The following DYRK1A variants were observed in gnomAD, a reference collection of about 807,000 sequenced individuals.
DYRK1A encodes the protein dual specificity tyrosine phosphorylation regulated kinase 1A, also known as dual specificity tyrosine-phosphorylation-regulated kinase 1A.
In DYRK1A, 9 loss-of-function variants were observed where a neutral mutation model predicts 79.7. The observed-to-expected ratio is 0.11, with a 90% confidence interval of 0.07 to 0.20. The LOEUF (loss-of-function observed/expected upper bound fraction) is 0.20. Among genes scored for constraint, DYRK1A ranks in the 10% least tolerant of loss-of-function variants. DYRK1A has a pLI of 1.00. For synonymous variants in DYRK1A, 349 were observed against 329.7 expected (o/e 1.06, Z -0.63); for missense variants, 622 against 956.0 (o/e 0.65, Z 4.61).
chr21:37,495,427 G>T (rs992118756), intron 8 of DYRK1A, among the ~76,000 whole-genome samples: 5 of 152,182 alleles, frequency 3.3e-5, no homozygotes, highest in African/African-American at 1.2e-4. Flanking sequence ...GGAGGCCAAG[G>T]TGGACAGATC....
intron 2 of DYRK1A, among the ~76,000 whole-genome samples, chr21:37,432,085 CT>C (rs933891130): frequency 1.3e-5 from 2 of 152,040 alleles, no homozygotes; most frequent in African/African-American, 2.4e-5. Flanking sequence ...CTTAAGTCAA[CT>C]TTTATGTTTT....
Position 37,468,517 on chromosome 21 carries a change from GTC to G in DYRK1A, c.11-4165_11-4164del, listed in dbSNP as rs201082012. Among the ~76,000 whole-genome samples the G allele has an allele frequency of 7.7e-3, 1,177 of 152,278 alleles. 16 individuals are homozygous for G. The highest frequency in any genetic ancestry group is 0.025 in the African/African-American group (1,056 of 41,546). On this transcript the variant is annotated intron_variant, in intron 2 of 11. Transcript: ENST00000647188. The stretch of plus-strand genomic sequence containing the variant: ...CTTGAACAGAGACCTAGGTAGGTAA[GTC>G]TGTATCCAGTAGAACAGAATAGGCA...
chr21:37,436,852 A>C lies in DYRK1A; in HGVS notation c.10+16468A>C, dbSNP rs146297165. On this transcript the variant is annotated intron_variant, in intron 2 of 11. Coordinates refer to ENST00000647188, the MANE Select transcript of DYRK1A (RefSeq NM_001347721.2). ...GAGGGGACCTAGATACAGAATTTAT[A>C]ATTTAACAGAGGTGGATATGTCTTT... Among the ~76,000 whole-genome samples, 4 of 152,338 alleles carry C rather than the reference A, an allele frequency of 2.6e-5. No individual in the cohort carries two copies. In the East Asian group the frequency reaches 7.7e-4, roughly 29 times the overall value.
intron 2 of DYRK1A, among the ~76,000 whole-genome samples, chr21:37,434,996 A>G (rs1789679563): frequency 6.6e-6 from 1 of 152,218 alleles, no homozygotes; most frequent in Admixed American, 6.5e-5. Flanking sequence ...TATATAGTAA[A>G]AAGTTAAAAT....
intron 1 of DYRK1A, among the ~76,000 whole-genome samples, chr21:37,373,747 G>A (rs1045291766): frequency 6.6e-6 from 1 of 152,184 alleles, no homozygotes; most frequent in Non-Finnish European, 1.5e-5. Context: ...ACTTAGTCAT[G>A]TGGCCATGTT....
chr21:37,502,128 G>C lies in DYRK1A; in HGVS notation c.1213-3155G>C, dbSNP rs1012776566. ...TGAAGAAAAATATGCAACATGTGTA[G>C]ACACACACACACACACTTTTACCCT... On this transcript the variant is annotated intron_variant, in intron 9 of 11. Coordinates refer to ENST00000647188, the MANE Select transcript of DYRK1A (RefSeq NM_001347721.2). 3.3e-5 allele frequency: 5 copies of C among 151,532 alleles called. No homozygotes were observed. In the East Asian group the frequency reaches 7.7e-4, roughly 23 times the overall value. The allele number at this position is 151,532 out of a possible 1,614,324, so 9.4% of individuals were successfully genotyped here.
chr21:37,499,383 C>G (rs772363193), intron 9 of DYRK1A, among the ~76,000 whole-genome samples: 27 of 152,046 alleles, frequency 1.8e-4, no homozygotes, highest in Non-Finnish European at 3.2e-4. Flanking sequence ...ATTACTTTAC[C>G]CTGTTGATAT....
At chr21:37,501,153 T>A (rs542676818) in intron 9 of DYRK1A, among the ~76,000 whole-genome samples, 1 of 150,032 alleles carries the variant, frequency 6.7e-6, no homozygotes, top group Non-Finnish European at 1.5e-5. Flanking sequence ...ATATGTTTTT[T>A]TTGTTGTTGT....
chr21:37,507,418 C>G (rs2053629231), intron 11 of DYRK1A, among the ~76,000 whole-genome samples: 1 of 152,198 alleles, frequency 6.6e-6, no homozygotes. Context: ...GTCCCCCTTT[C>G]TTTCCCTATA....
intron 1 of DYRK1A, among the ~76,000 whole-genome samples, chr21:37,384,864 A>G (rs1301351256): frequency 6.6e-6 from 1 of 152,188 alleles, no homozygotes; most frequent in Non-Finnish European, 1.5e-5. Flanking sequence ...ACTGGGTTGC[A>G]TTAATGGTAT....
chr21:37,511,904 C>G lies in DYRK1A; in HGVS notation c.1645-7C>G. 1 of 1,607,206 alleles carries G rather than the reference C, an allele frequency of 6.2e-7. No homozygotes were observed. Among genetic ancestry groups the G allele is most frequent in the Non-Finnish European group, 8.5e-7 (1 of 1,174,922 alleles). Reference sequence around the variant, plus strand: ...TGAAAAATCCTTTTAAAAATCTGTTCTTTCAGGTGCGTCAGCAATTTCCTG... The same window carrying G: ...TGAAAAATCCTTTTAAAAATCTGTTGTTTCAGGTGCGTCAGCAATTTCCTG... On this transcript the variant is annotated splice_region_variant and splice_polypyrimidine_tract_variant and intron_variant, in intron 11 of 11. Coordinates refer to ENST00000647188, the MANE Select transcript of DYRK1A (RefSeq NM_001347721.2).
chr21:37,435,884 CCTG>C (rs2050910127), intron 2 of DYRK1A, among the ~76,000 whole-genome samples: 1 of 152,130 alleles, frequency 6.6e-6, no homozygotes, highest in Non-Finnish European at 1.5e-5. Flanking sequence ...TTCACTACCT[CCTG>C]CTATTACTTT....
At chr21:37,446,571 G>T (rs1337036534) in intron 2 of DYRK1A, among the ~76,000 whole-genome samples, 1 of 147,990 alleles carries the variant, frequency 6.8e-6, no homozygotes, top group Non-Finnish European at 1.5e-5. Context: ...GTATAGGCAG[G>T]TTTGAAATTC....
intron 1 of DYRK1A, among the ~76,000 whole-genome samples, chr21:37,392,615 TC>T (rs2049891844): frequency 6.6e-6 from 1 of 152,224 alleles, no homozygotes; most frequent in Non-Finnish European, 1.5e-5. Context: ...CAGGGCAACT[TC>T]CTTTAACCTC....
chr21:37,500,060 C>T (rs2053394807), intron 9 of DYRK1A, among the ~76,000 whole-genome samples: 1 of 152,202 alleles, frequency 6.6e-6, no homozygotes, highest in African/African-American at 2.4e-5. Context: ...AACCAACCCC[C>T]TGCGTATACT....
chr21:37,525,676 T>C lies in DYRK1A; in HGVS notation c.*13145T>C, dbSNP rs1386727376. 6.6e-6 allele frequency: 1 copy of C among 152,258 alleles called. No individual in the cohort carries two copies. Among genetic ancestry groups the C allele is most frequent in the Non-Finnish European group, 1.5e-5 (1 of 68,048 alleles). The allele number at this position is 152,258 out of a possible 1,614,324, so 9.4% of individuals were successfully genotyped here. A position where few individuals can be genotyped will look rare whatever the true frequency, so the allele number is the denominator to read the frequency against. ...AGATACTTTGTGAGAAATATTTGAA[T>C]CTATCATGCATTATTGAACCAGTAT... On this transcript the variant is annotated 3_prime_UTR_variant, in exon 12 of 12. Transcript: ENST00000647188.
At chr21:37,489,632 G>T (rs2053006528) in intron 6 of DYRK1A, among the ~76,000 whole-genome samples, 1 of 118,112 alleles carries the variant, frequency 8.5e-6, no homozygotes, top group South Asian at 3.0e-4. Context: ...TGCCTAAAGG[G>T]TAAAAAAAAA....
At chr21:37,508,887 TAA>T (rs914343767) in intron 11 of DYRK1A, among the ~76,000 whole-genome samples, 1 of 152,220 alleles carries the variant, frequency 6.6e-6, no homozygotes, top group Non-Finnish European at 1.5e-5. Context: ...GGGCTCTCTC[TAA>T]ATCTTTAGAC....
At chr21:37,480,105 T>G (rs903271276) in intron 4 of DYRK1A, among the ~76,000 whole-genome samples, 2 of 152,214 alleles carry the variant, frequency 1.3e-5, no homozygotes, top group African/African-American at 4.8e-5. Context: ...TTGGTCTACA[T>G]CTGAACTTAT....
Sources: gnomAD v4.1 joint callset for allele counts (sites outside exome capture counted in the v4.1 genomes callset) on GRCh38, gnomAD v4.1.1 for gene constraint, MANE v1.5 for transcripts, NCBI Gene and HGNC (gene_info 2026-07-23, HGNC 2026-07-21) for gene names.